The following TPP2 variants were observed in gnomAD, a reference collection of about 807,000 sequenced individuals.
TPP2 encodes the protein tripeptidyl-peptidase 2.
A neutral mutation model predicts 155.9 loss-of-function variants in TPP2; 34 were observed. That is an observed-to-expected ratio of 0.22 (90% CI 0.17 to 0.29). TPP2 has a LOEUF of 0.29. Among genes scored for constraint, TPP2 ranks in the 10% least tolerant of loss-of-function variants. The pLI is 1.00. For synonymous variants in TPP2, 510 were observed against 529.4 expected, an observed-to-expected ratio of 0.96 and a Z score of 0.50; for missense variants, 1,028 against 1,522.3, an observed-to-expected ratio of 0.68 and a Z score of 5.40.
At chr13:102,642,608 G>A (rs1882840688) in intron 16 of TPP2, among the ~76,000 whole-genome samples, 1 of 152,126 alleles carries the variant, frequency 6.6e-6, no homozygotes, top group African/African-American at 2.4e-5. Context: ...CCACGGCATT[G>A]CGCCTTGCTT....
chr13:102,608,976 C>T (rs962456209), intron 2 of TPP2, among the ~76,000 whole-genome samples: 1 of 152,134 alleles, frequency 6.6e-6, no homozygotes, highest in Non-Finnish European at 1.5e-5. Flanking sequence ...TTTAGGGGAA[C>T]CCCCATAATA....
chr13:102,651,456 T>C (rs1213157230), intron 24 of TPP2, 59 bp downstream of exon 24: 3 of 1,530,956 alleles, frequency 2.0e-6, no homozygotes, highest in Non-Finnish European at 2.6e-6. Flanking sequence ...TATTAAACTT[T>C]TTTCTGTCAC....
At position 102,605,217 on chromosome 13, in the gene TPP2, A is replaced by G. The variant is rs553988078; in HGVS notation, c.294+296A>G. ...GAGAAGAAGGGGAAGTTTGTTTCCA[A>G]GCCTACTGGTGGGTCACTGGCAGGC... On this transcript the variant is annotated intron_variant, in intron 2 of 29. Transcript: ENST00000376052. 7.9e-5 allele frequency among the ~76,000 whole-genome samples: 12 copies of G among 152,278 alleles called. No homozygotes were observed. In the South Asian group the frequency reaches 2.1e-3, roughly 26 times the overall value.
rs1157544061 is a variant in TPP2 at position 102,614,122 on chromosome 13, C to A, written c.316C>A (p.Pro106Thr). 3.1e-6 allele frequency: 5 copies of A among 1,613,140 alleles called. No individual in the cohort carries two copies. The highest frequency in any genetic ancestry group is 3.4e-6 in the Non-Finnish European group (4 of 1,179,630). Residue 106 changes from proline to threonine, a missense_variant, in exon 3 of 30, where the codon CCC (proline) becomes ACC (threonine). By Grantham distance (38) the Pro-to-Thr change is conservative. This residue lies in a region of TPP2 where 300 missense variants were observed against 398.3 expected (regional missense o/e 0.75). Coordinates refer to ENST00000376052, the MANE Select transcript of TPP2 (RefSeq NM_001330588.2). ...VLKIPASWTNPSGKYHIGIKN... is the reference protein window; with the variant it reads ...VLKIPASWTNTSGKYHIGIKN... ...GTAGATTCCTGCAAGCTGGACAAAT[C>A]CCTCAGGCAAATATCATATTGGCAT...
intron 16 of TPP2, 89 bp downstream of exon 16, chr13:102,640,465 TA>T: frequency 1.0e-6 from 1 of 988,708 alleles, no homozygotes; most frequent in East Asian, 2.6e-5. Flanking sequence ...CTGTAGCATG[TA>T]TTTCCCTGGT....
At chr13:102,635,757 A>G (rs1227127203) in intron 12 of TPP2, 55 bp downstream of exon 12, 10 of 1,301,442 alleles carry the variant, frequency 7.7e-6, no homozygotes, top group South Asian at 6.1e-5. Context: ...ATAATATCTT[A>G]GATATTATTG....
intron 27 of TPP2, chr13:102,667,653 A>G (rs753822786): frequency 4.6e-5 from 30 of 658,834 alleles, no homozygotes; most frequent in Non-Finnish European, 5.3e-5. Flanking sequence ...TACTCCAGAT[A>G]TGTAGAATTT....
At chr13:102,648,794 C>G (rs1332193546) in intron 21 of TPP2, 113 bp from the exon 22 acceptor site, 1 of 1,375,664 alleles carries the variant, frequency 7.3e-7, no homozygotes, top group Non-Finnish European at 9.6e-7. Flanking sequence ...TGCACTGTAC[C>G]TCACATATTA....
At chr13:102,627,190 TC>T (rs750961748) in intron 7 of TPP2, 24 bp downstream of exon 7, 1 of 1,539,484 alleles carries the variant, frequency 6.5e-7, no homozygotes, top group South Asian at 1.3e-5. Flanking sequence ...AGTTGTTGAT[TC>T]AGAAGATTAA....
chr13:102,624,850 T>C (rs12585365), intron 6 of TPP2, among the ~76,000 whole-genome samples: 2,150 of 55,884 alleles, frequency 0.038, 55 homozygotes, highest in Non-Finnish European at 0.056. Flanking sequence ...TTTTTTTTTT[T>C]CCTTTTTTTT....
intron 6 of TPP2, among the ~76,000 whole-genome samples, chr13:102,625,722 A>C (rs138920191): frequency 1.3e-5 from 2 of 152,388 alleles, no homozygotes; most frequent in African/African-American, 4.8e-5. Context: ...GCATGACAGC[A>C]GCTGGCTAGA....
intron 26 of TPP2, 21 bp downstream of exon 26, chr13:102,663,765 T>A: frequency 2.6e-6 from 4 of 1,531,596 alleles, no homozygotes; most frequent in Non-Finnish European, 3.5e-6. Context: ...TTCATTCTGA[T>A]ATATCTTATT....
chr13:102,644,816 TA>T, intron 18 of TPP2, 92 bp from the exon 19 acceptor site: 1 of 1,476,270 alleles, frequency 6.8e-7, no homozygotes, highest in Non-Finnish European at 9.3e-7. Context: ...TGTGGGTACT[TA>T]TAAACTTTAT....
rs67497572 is a variant in TPP2 at position 102,616,918 on chromosome 13, G to GT, written c.495+430dup. 2.8e-3 allele frequency among the ~76,000 whole-genome samples: 406 copies of GT among 143,406 alleles called. 2 individuals are homozygous for GT. Among genetic ancestry groups the GT allele is most frequent in the Admixed American group, 9.3e-3 (134 of 14,348 alleles). 94.1% of individuals were successfully genotyped at this position (143,406 alleles called of 152,430 possible). A position where few individuals can be genotyped will look rare whatever the true frequency, so the allele number is the denominator to read the frequency against. Reference sequence around the variant, plus strand: ...AGTATGGTTTTGTTTTTTGTTTTTTGTTTTTTTTTTTTGAGACGGAGTCTC... The same window carrying GT: ...AGTATGGTTTTGTTTTTTGTTTTTTGTTTTTTTTTTTTTGAGACGGAGTCTC... On this transcript the variant is annotated intron_variant, in intron 4 of 29. Coordinates refer to ENST00000376052, the MANE Select transcript of TPP2 (RefSeq NM_001330588.2).
intron 27 of TPP2, among the ~76,000 whole-genome samples, chr13:102,666,417 A>G (rs1189946998): frequency 6.6e-6 from 1 of 152,140 alleles, no homozygotes; most frequent in African/African-American, 2.4e-5. Flanking sequence ...CAGGGTGATC[A>G]TTGTTAATCT....
At chr13:102,638,926 C>T (rs943302803) in intron 15 of TPP2, among the ~76,000 whole-genome samples, 1 of 152,206 alleles carries the variant, frequency 6.6e-6, no homozygotes, top group South Asian at 2.1e-4. Flanking sequence ...TCCTGTCATT[C>T]CGTACACCAA....
intron 5 of TPP2, among the ~76,000 whole-genome samples, 155 bp from the exon 6 acceptor site, chr13:102,622,722 C>G (rs1881251386): frequency 6.6e-6 from 1 of 152,150 alleles, no homozygotes; most frequent in African/African-American, 2.4e-5. Flanking sequence ...CCTTACTGCC[C>G]ACTCTAAGAA....
intron 27 of TPP2, among the ~76,000 whole-genome samples, chr13:102,665,247 TAAC>T (rs1884514129): frequency 6.6e-6 from 1 of 152,170 alleles, no homozygotes; most frequent in South Asian, 2.1e-4. Flanking sequence ...AGACAAAAAT[TAAC>T]AATCTATAAA....
chr13:102,600,785 A>T (rs577516262), intron 1 of TPP2, among the ~76,000 whole-genome samples: 1 of 152,074 alleles, frequency 6.6e-6, no homozygotes, highest in South Asian at 2.1e-4. Flanking sequence ...CTAAAATTTT[A>T]TTACCTCTCT....
Sources: allele counts gnomAD v4.1 joint callset (sites outside exome capture counted in the v4.1 genomes callset), GRCh38; gene constraint gnomAD v4.1.1; regional missense constraint gnomAD v4.1.1; transcripts MANE v1.5; gene names NCBI Gene and HGNC (gene_info 2026-07-23, HGNC 2026-07-21).